The following CDH15 variants were observed in gnomAD, a reference collection of about 807,000 sequenced individuals.
The protein encoded by CDH15 is cadherin-15.
CDH15 carries 73 observed loss-of-function variants against 69.4 expected under a neutral mutation model. The observed-to-expected ratio is 1.05, with a 90% CI of 0.87 to 1.28. The LOEUF (loss-of-function observed/expected upper bound fraction) is 1.28, where lower values mean the gene tolerates loss of function less well. Ranked by LOEUF, CDH15 falls within the 50% of genes most tolerant of loss-of-function variation. The pLI, the probability that CDH15 is intolerant of heterozygous loss-of-function variation, is 0.00. For missense variants in CDH15, 1,343 were observed against 1,133.6 expected, an observed-to-expected ratio of 1.18 and a Z score of -2.65; for synonymous variants, 624 against 507.7, an observed-to-expected ratio of 1.23 and a Z score of -3.08.
intron 3 of CDH15, among the ~76,000 whole-genome samples, chr16:89,181,159 G>C (rs945972640): frequency 6.6e-6 from 1 of 151,990 alleles, no homozygotes; most frequent in African/African-American, 2.4e-5. Flanking sequence ...AGTAGAGATG[G>C]GGTTTCACCA....
At chr16:89,184,598 G>A (rs1915441932) in intron 4 of CDH15, among the ~76,000 whole-genome samples, 3 of 152,082 alleles carry the variant, frequency 2.0e-5, no homozygotes, top group South Asian at 2.1e-4. Flanking sequence ...GCCTGCCCGC[G>A]CATCCTCTGT....
At chr16:89,193,430 C>T in intron 11 of CDH15, 40 bp from the exon 12 acceptor site, 1 of 1,567,718 alleles carries the variant, frequency 6.4e-7, no homozygotes, top group South Asian at 1.2e-5. Flanking sequence ...TGAAGTCGCG[C>T]CCTGTGCCTG....
chr16:89,189,373 T>TGGCGCACACAGATGCC (rs1567775350), intron 7 of CDH15, among the ~76,000 whole-genome samples: 1 of 93,420 alleles, frequency 1.1e-5, no homozygotes, highest in Non-Finnish European at 2.2e-5. Context: ...ACACAGATGC[T>TGGCGCACACAGATGCC]GGCGCACACA....
rs141798915 is a variant in CDH15, at chr16:89,194,305, G to A, written c.2151+392G>A. ...CGTTAATGATTCCCTGCCATCCACAGGATGAATGTGCACACGGGGAATCTG... is the reference window on the plus strand; with the variant it reads ...CGTTAATGATTCCCTGCCATCCACAAGATGAATGTGCACACGGGGAATCTG... On this transcript the variant is annotated intron_variant, in intron 13 of 13. Coordinates refer to ENST00000289746, the MANE Select transcript of CDH15 (RefSeq NM_004933.3). Among the ~76,000 whole-genome samples the A allele has an allele frequency of 3.2e-3, 487 of 152,334 alleles. 2 individuals are homozygous for A. Among genetic ancestry groups the A allele is most frequent in the African/African-American group, 0.011 (462 of 41,574 alleles).
chr16:89,173,081 G>A (rs140195107), intron 1 of CDH15, among the ~76,000 whole-genome samples: 1 of 152,110 alleles, frequency 6.6e-6, no homozygotes, highest in South Asian at 2.1e-4. Flanking sequence ...AGCTGCCCCT[G>A]AGGGCACCAC....
chr16:89,175,542 C>A (rs1015846233), intron 1 of CDH15, among the ~76,000 whole-genome samples: 1 of 152,300 alleles, frequency 6.6e-6, no homozygotes, highest in South Asian at 2.1e-4. Context: ...CCACAGGCTC[C>A]CGGGGGGTTG....
In CDH15 at chr16:89,185,174, C is replaced by T. The variant is rs1389142142; in HGVS notation, c.504C>T (p.Gly168=). 3 of 1,596,556 alleles carry T rather than the reference C, an allele frequency of 1.9e-6. No homozygotes were observed. Among genetic ancestry groups the T allele is most frequent in the East Asian group, 2.3e-5 (1 of 44,354 alleles). ...TGRVLEGAVP[G]TYVTRAEATD... is the part of the protein sequence containing the mutation. ...CTCACGCCTCCCTGTGCTTCCCAGG[C>T]ACCTATGTGACCAGGGCAGAGGCCA... Residue 168 remains glycine, a splice_region_variant and synonymous_variant, in exon 5 of 14, where the codon GGC becomes GGT. Transcript: ENST00000289746.
Position 89,195,054 on chromosome 16 carries a change from C to T in CDH15, c.2344C>T (p.His782Tyr). The change falls in exon 14 of 14, where the codon CAC becomes TAC. Residue 782 changes from histidine (H) to tyrosine (Y), a missense_variant. Coordinates refer to ENST00000289746, the MANE Select transcript of CDH15 (RefSeq NM_004933.3). ...CGCCCGGCTGGCAGACATGTATGGG[C>T]ACCCGTGCGGGTTGGAGTACGGGGC... ...RFARLADMYG[H>Y]PCGLEYGARW... 1 of 1,612,538 alleles carries T rather than the reference C, an allele frequency of 6.2e-7. No homozygotes were observed. The highest frequency in any genetic ancestry group is 8.5e-7 in the Non-Finnish European group (1 of 1,179,860).
Position 89,190,229 on chromosome 16 carries a change from C to G in CDH15, c.979-14C>G. On this transcript the variant is annotated splice_polypyrimidine_tract_variant and intron_variant, in intron 7 of 13. Coordinates refer to ENST00000289746, the MANE Select transcript of CDH15 (RefSeq NM_004933.3). ...TGCGTTGGGCGGATGACGGGCTGTG[C>G]TTCCTTCCCTCAGGCCCTGGACTAT... 1.9e-6 allele frequency: 3 copies of G among 1,610,874 alleles called. No individual in the cohort carries two copies. The highest frequency in any genetic ancestry group is 2.5e-6 in the Non-Finnish European group (3 of 1,179,202).
intron 1 of CDH15, among the ~76,000 whole-genome samples, chr16:89,172,853 A>T (rs985753272): frequency 6.6e-6 from 1 of 152,190 alleles, no homozygotes; most frequent in Non-Finnish European, 1.5e-5. Flanking sequence ...GAGAATGCAC[A>T]TAAAGGGCTT....
intron 5 of CDH15, 25 bp downstream of exon 5, chr16:89,185,358 A>G (rs747633585): frequency 6.3e-7 from 1 of 1,576,874 alleles, no homozygotes. Context: ...CGGCAGCTCC[A>G]CACCCGCACG....
At position 89,192,346 on chromosome 16, in the gene CDH15, G is replaced by A; in HGVS notation, c.1757G>A (p.Gly586Asp). Residue 586 changes from glycine to aspartate, a missense_variant, in exon 11 of 14, where the codon GGC becomes GAC. Coordinates refer to ENST00000289746, the MANE Select transcript of CDH15 (RefSeq NM_004933.3). ...NVTVCRCGKD[G>D]VCLPGAAALL... ...ACCGTGTGCCGCTGCGGCAAGGACGGCGTCTGCCTGCCGGGGGCCGCAGCG... is the reference window on the plus strand; with the variant it reads ...ACCGTGTGCCGCTGCGGCAAGGACGACGTCTGCCTGCCGGGGGCCGCAGCG... The A allele has an allele frequency of 6.5e-7, 1 of 1,536,004 alleles. No individual in the cohort carries two copies. The highest frequency in any genetic ancestry group is 8.7e-7 in the Non-Finnish European group (1 of 1,147,398).
chr16:89,184,565 G>T (rs1186672418), intron 4 of CDH15, among the ~76,000 whole-genome samples: 3 of 152,178 alleles, frequency 2.0e-5, no homozygotes, highest in African/African-American at 4.8e-5. Flanking sequence ...TCCTCTGCTC[G>T]GCTGTCGTGT....
chr16:89,183,591 AC>A lies in CDH15; in HGVS notation c.405del (p.Thr136ArgfsTer6). On this transcript the variant is annotated frameshift_variant, in exon 4 of 14. Coordinates refer to ENST00000289746, the MANE Select transcript of CDH15 (RefSeq NM_004933.3). LOFTEE classifies it high-confidence loss of function. The part of the protein sequence containing the change: ...ALDLGGSTLE[D>X]PTDLEIVVVD... ...GACCTGGGAGGATCCACCCTGGAGG[AC>A]CCCACGGACCTGGAGATTGTAGTTG... The A allele has an allele frequency of 1.2e-6, 2 of 1,614,124 alleles. No homozygotes were observed. The highest frequency in any genetic ancestry group is 1.7e-6 in the Non-Finnish European group (2 of 1,180,018).
intron 1 of CDH15, among the ~76,000 whole-genome samples, chr16:89,172,328 A>AC (rs1388770099): frequency 6.6e-6 from 1 of 151,324 alleles, no homozygotes; most frequent in East Asian, 2.0e-4. Flanking sequence ...TTTTGTCCAA[A>AC]CCCCCCACCC....
At chr16:89,175,783 GC>G (rs1915244255) in intron 1 of CDH15, among the ~76,000 whole-genome samples, 1 of 152,216 alleles carries the variant, frequency 6.6e-6, no homozygotes. Context: ...AGGGTCCCCT[GC>G]CTGGGAGCCT....
rs1915446018 is a variant in CDH15 at position 89,184,746 on chromosome 16, G to A, written c.503-427G>A. Among the ~76,000 whole-genome samples the A allele has an allele frequency of 2.0e-5, 3 of 152,260 alleles. No homozygotes were observed. In the South Asian group the frequency reaches 6.2e-4, roughly 32 times the overall value. On this transcript the variant is annotated intron_variant, in intron 4 of 13. Transcript: ENST00000289746. ...TGTGTCCTCTGTTCAGCCTGCCCAT[G>A]CATCCTCTGTCACCCTGGATGCCAG...
chr16:89,174,624 C>A (rs1392403837), intron 1 of CDH15, among the ~76,000 whole-genome samples: 1 of 152,180 alleles, frequency 6.6e-6, no homozygotes, highest in Non-Finnish European at 1.5e-5. Context: ...GTCCCAGGAG[C>A]TTGGCTGCAG....
At chr16:89,176,150 C>T (rs1915250912) in intron 1 of CDH15, among the ~76,000 whole-genome samples, 1 of 152,272 alleles carries the variant, frequency 6.6e-6, no homozygotes, top group Non-Finnish European at 1.5e-5. Flanking sequence ...ATGCCAACAT[C>T]TCCTTCCCGG....
Sources: allele counts gnomAD v4.1 joint callset (sites outside exome capture counted in the v4.1 genomes callset), GRCh38; gene constraint gnomAD v4.1.1; transcripts MANE v1.5; gene names NCBI Gene and HGNC (gene_info 2026-07-23, HGNC 2026-07-21).